The following ATP2B2 variants were observed in gnomAD, a reference collection of about 807,000 sequenced individuals.
ATP2B2 encodes the protein plasma membrane calcium-transporting ATPase 2.
Under a neutral mutation model 120.0 loss-of-function variants are expected in ATP2B2, and 15 were observed. That is an observed-to-expected ratio of 0.12 (90% CI 0.08 to 0.19). The LOEUF is 0.19. Ranked by LOEUF, ATP2B2 falls within the 10% of genes least tolerant of loss-of-function variation. ATP2B2 has a pLI of 1.00. For synonymous variants in ATP2B2, 694 were observed against 700.3 expected, an observed-to-expected ratio of 0.99 and a Z score of 0.14; for missense variants, 1,045 against 1,719.8, an observed-to-expected ratio of 0.61 and a Z score of 6.94.
At chr3:10,488,702 C>G (rs766344011) in intron 1 of ATP2B2, among the ~76,000 whole-genome samples, 19 of 152,148 alleles carry the variant, frequency 1.2e-4, no homozygotes, top group African/African-American at 4.6e-4. Flanking sequence ...CCTGTCTGCT[C>G]TACCTCTGAA....
intron 2 of ATP2B2, among the ~76,000 whole-genome samples, chr3:10,536,087 T>C (rs1403311475): frequency 1.8e-4 from 27 of 152,196 alleles, no homozygotes; most frequent in Admixed American, 1.8e-3. Context: ...TGTAATAATA[T>C]CTAATTGAGG....
intron 5 of ATP2B2, 67 bp downstream of exon 5, chr3:10,400,886 A>G (rs2124963460): frequency 7.5e-6 from 12 of 1,607,668 alleles, no homozygotes; most frequent in Middle Eastern, 1.7e-4. Context: ...CAGCCTCATG[A>G]AGGGGACACA....
intron 2 of ATP2B2, among the ~76,000 whole-genome samples, chr3:10,535,842 A>C (rs2067302896): frequency 6.6e-6 from 1 of 152,102 alleles, no homozygotes; most frequent in East Asian, 1.9e-4. Context: ...TGTGTGAACA[A>C]ATTGTTTTCA....
chr3:10,441,563 C>A (rs1355291877), intron 2 of ATP2B2, among the ~76,000 whole-genome samples: 1 of 152,190 alleles, frequency 6.6e-6, no homozygotes, highest in African/African-American at 2.4e-5. Flanking sequence ...ATCCTCTGCC[C>A]CCTTGAACCA....
At chr3:10,533,557 C>A (rs1471362167) in intron 3 of ATP2B2, among the ~76,000 whole-genome samples, 2 of 152,246 alleles carry the variant, frequency 1.3e-5, no homozygotes, top group African/African-American at 4.8e-5. Context: ...TCTGTCAGCA[C>A]TTAGCACATG....
At chr3:10,619,574 T>C (rs1341847084) in intron 2 of ATP2B2, among the ~76,000 whole-genome samples, 5 of 152,202 alleles carry the variant, frequency 3.3e-5, no homozygotes, top group Admixed American at 6.5e-5. Context: ...TGGTGGAATA[T>C]CACACCAAGG....
chr3:10,555,570 C>T (rs1575491911), intron 2 of ATP2B2, among the ~76,000 whole-genome samples: 1 of 152,248 alleles, frequency 6.6e-6, no homozygotes, highest in South Asian at 2.1e-4. Context: ...GTGGCCAACA[C>T]ATCTGGGCTC....
intron 2 of ATP2B2, among the ~76,000 whole-genome samples, chr3:10,596,880 G>A (rs2068776713): frequency 1.3e-5 from 2 of 152,346 alleles, no homozygotes; most frequent in South Asian, 4.1e-4. Context: ...GAGCTCTGAT[G>A]TGTGTGGCTT....
chr3:10,349,623 C>T (rs907068840), intron 16 of ATP2B2, among the ~76,000 whole-genome samples: 8 of 151,932 alleles, frequency 5.3e-5, no homozygotes, highest in Non-Finnish European at 1.2e-4. Flanking sequence ...TGGTCACAAA[C>T]GTTGGTTGGG....
intron 1 of ATP2B2, among the ~76,000 whole-genome samples, chr3:10,504,562 A>ATC (rs2125416762): frequency 6.7e-6 from 1 of 149,298 alleles, no homozygotes; most frequent in South Asian, 2.1e-4. Flanking sequence ...AGTCCAGAGC[A>ATC]CCCCCCCAAC....
chr3:10,349,260 C>T (rs1471460335), intron 16 of ATP2B2, among the ~76,000 whole-genome samples: 1 of 152,076 alleles, frequency 6.6e-6, no homozygotes. Flanking sequence ...TGCAACCAGC[C>T]TGGGCAATAT....
chr3:10,336,232 G>A, intron 22 of ATP2B2: 2 of 1,550,618 alleles, frequency 1.3e-6, no homozygotes, highest in Non-Finnish European at 1.7e-6. Flanking sequence ...TCTGGCTGGT[G>A]ACCGAGGACT....
Position 10,328,707 on chromosome 3 carries a change from T to C in ATP2B2, c.*107A>G. The C allele has an allele frequency of 8.3e-7, 1 of 1,198,704 alleles. No individual in the cohort carries two copies. The allele number at this position is 1,198,704 out of a possible 1,614,324, so 74.3% of individuals were successfully genotyped here. A position where few individuals can be genotyped will look rare whatever the true frequency, so the allele number is the denominator to read the frequency against. Reference sequence around the variant, plus strand: ...CTCTCCAGTATTTGGTTTCCGATTGTTGCTCGTTGCTGCTTGGGTGAGTTG... The same window carrying C: ...CTCTCCAGTATTTGGTTTCCGATTGCTGCTCGTTGCTGCTTGGGTGAGTTG... On this transcript the variant is annotated 3_prime_UTR_variant, in exon 23 of 23. Coordinates refer to ENST00000360273, the MANE Select transcript of ATP2B2 (RefSeq NM_001001331.4).
intron 1 of ATP2B2, among the ~76,000 whole-genome samples, chr3:10,702,451 C>G (rs959212356): frequency 6.6e-6 from 1 of 152,178 alleles, no homozygotes; most frequent in African/African-American, 2.4e-5. Flanking sequence ...GATGAGGAAA[C>G]TGAGACAGAC....
intron 1 of ATP2B2, among the ~76,000 whole-genome samples, chr3:10,705,727 G>A (rs111538733): frequency 3.3e-5 from 5 of 152,172 alleles, no homozygotes; most frequent in South Asian, 2.1e-4. Context: ...AAAGCGCTTC[G>A]TACACAGCCT....
chr3:10,435,826 G>A (rs1427610057), intron 2 of ATP2B2, among the ~76,000 whole-genome samples: 1 of 152,096 alleles, frequency 6.6e-6, no homozygotes, highest in Non-Finnish European at 1.5e-5. Context: ...AAGACTCTGG[G>A]ACTTCAAGCA....
chr3:10,371,952 T>A lies in ATP2B2; in HGVS notation c.1516A>T (p.Thr506Ser). 6.2e-7 allele frequency: 1 copy of A among 1,614,226 alleles called. No homozygotes were observed. Among genetic ancestry groups the A allele is most frequent in the Non-Finnish European group, 8.5e-7 (1 of 1,180,034 alleles). ...ICSDKTGTLT[T>S]NRMTVVQAYV... is the part of the protein sequence containing the mutation. ...GCCTGTACCACTGTCATGCGATTGG[T>A]GGTCAGCGTGCCTGTCTTGTCTGAG... Residue 506 changes from threonine to serine, a missense_variant, in exon 12 of 23, where the codon ACC (threonine) becomes TCC (serine). By Grantham distance (58) the Thr-to-Ser change is moderately conservative. Coordinates refer to ENST00000360273, the MANE Select transcript of ATP2B2 (RefSeq NM_001001331.4).
At chr3:10,681,406 T>G (rs1283201728) in intron 1 of ATP2B2, among the ~76,000 whole-genome samples, 1 of 152,150 alleles carries the variant, frequency 6.6e-6, no homozygotes, top group African/African-American at 2.4e-5. Context: ...TCATGTCCCG[T>G]GCACCCCCAT....
chr3:10,429,476 T>C (rs913759003), intron 2 of ATP2B2, among the ~76,000 whole-genome samples: 3 of 152,238 alleles, frequency 2.0e-5, no homozygotes, highest in African/African-American at 7.2e-5. Flanking sequence ...ATTTGTGATC[T>C]TTCATGTCAC....
Sources: gnomAD v4.1 joint callset for allele counts (sites outside exome capture counted in the v4.1 genomes callset) on GRCh38, gnomAD v4.1.1 for gene constraint, MANE v1.5 for transcripts, NCBI Gene and HGNC (gene_info 2026-07-23, HGNC 2026-07-21) for gene names.